Variants in DNAH9 observed in about 807,000 individuals in gnomAD.
The protein encoded by DNAH9 is dynein axonemal heavy chain 9, also known as DNAH9 variant protein.
In DNAH9, 345 loss-of-function variants were observed where a neutral mutation model predicts 471.6. The observed-to-expected ratio is 0.73, with a 90% CI of 0.67 to 0.80. DNAH9 has a LOEUF of 0.80. Ranked by LOEUF, DNAH9 falls within the 30% of genes least tolerant of loss-of-function variation. DNAH9 has a pLI of 0.00. For missense variants in DNAH9, 5,407 were observed against 5,609.2 expected, an observed-to-expected ratio of 0.96 and a Z score of 1.15; for synonymous variants, 2,093 against 2,123.6, an observed-to-expected ratio of 0.99 and a Z score of 0.40.
intron 49 of DNAH9, among the ~76,000 whole-genome samples, chr17:11,837,274 A>G (rs1176243448): frequency 2.0e-5 from 3 of 152,258 alleles, no homozygotes; most frequent in African/African-American, 7.2e-5. Context: ...AGACAACAGA[A>G]GTAAAATTCA....
chr17:11,852,416 G>A (rs1971455341), intron 49 of DNAH9, among the ~76,000 whole-genome samples: 1 of 152,102 alleles, frequency 6.6e-6, no homozygotes, highest in Admixed American at 6.5e-5. Flanking sequence ...TTAGCTGTCT[G>A]ACCCATGACC....
chr17:11,790,056 A>T (rs1443930446), intron 41 of DNAH9, among the ~76,000 whole-genome samples: 1 of 151,942 alleles, frequency 6.6e-6, no homozygotes, highest in African/African-American at 2.4e-5. Flanking sequence ...GACACTCTAT[A>T]TGGATTTATT....
chr17:11,769,266 C>T lies in DNAH9; in HGVS notation c.7489C>T (p.Pro2497Ser). The T allele has an allele frequency of 5.0e-6, 8 of 1,614,118 alleles. No homozygotes were observed. The highest frequency in any genetic ancestry group is 6.8e-6 in the Non-Finnish European group (8 of 1,180,022). Reference protein sequence around the residue: ...LVGAKLASLDPEAYLVKNVPF... With the variant: ...LVGAKLASLDSEAYLVKNVPF... ...GGGAGCTAAGCTGGCCAGCCTTGAC[C>T]CCGAGGCATACCTGGTGAAAAACGT... Residue 2497 changes from proline (P) to serine (S), a missense_variant, in exon 38 of 69, where the codon CCC (proline) becomes TCC (serine). Around this residue, in one of 3 missense-constraint regions of DNAH9, gnomAD observed 4,636 missense variants for 4,900.3 expected, o/e 0.95. Coordinates refer to ENST00000262442, the MANE Select transcript of DNAH9 (RefSeq NM_001372.4).
chr17:11,835,585 C>A (rs185532015), intron 49 of DNAH9, among the ~76,000 whole-genome samples: 1 of 152,012 alleles, frequency 6.6e-6, no homozygotes, highest in African/African-American at 2.4e-5. Context: ...GGTTGAGAGG[C>A]AAAGGTGGAA....
rs1252724778 is a variant in DNAH9 at position 11,669,734 on chromosome 17, A to G, written c.3293A>G (p.Asn1098Ser). The G allele has an allele frequency of 1.9e-6, 3 of 1,614,032 alleles. No individual in the cohort carries two copies. Among genetic ancestry groups the G allele is most frequent in the Non-Finnish European group, 2.5e-6 (3 of 1,180,014 alleles). ...CGACCCTTTAAGGCATCTCTGCTGA[A>G]TATTATTAAGAGGTGGAGCCTCCTG... ...DIRPFKASLL[N>S]IIKRWSLLFK... The change falls in exon 17 of 69, where the codon AAT (asparagine) becomes AGT (serine). Residue 1098 changes from asparagine to serine, a missense_variant. Around this residue, in one of 3 missense-constraint regions of DNAH9, gnomAD observed 4,636 missense variants for 4,900.3 expected, o/e 0.95. Coordinates refer to ENST00000262442, the MANE Select transcript of DNAH9 (RefSeq NM_001372.4).
chr17:11,957,686 G>A (rs1008951914), intron 67 of DNAH9, among the ~76,000 whole-genome samples: 1 of 151,988 alleles, frequency 6.6e-6, no homozygotes, highest in Non-Finnish European at 1.5e-5. Context: ...ACAGCCTAGC[G>A]AGACAGAAAA....
chr17:11,602,738 T>A (rs1475396611), intron 1 of DNAH9, among the ~76,000 whole-genome samples: 2 of 152,170 alleles, frequency 1.3e-5, no homozygotes, highest in Admixed American at 6.5e-5. Context: ...CCTCCAGTGA[T>A]CTTGTCCTCC....
At chr17:11,907,203 G>A (rs1205139637) in intron 61 of DNAH9, among the ~76,000 whole-genome samples, 1 of 152,096 alleles carries the variant, frequency 6.6e-6, no homozygotes, top group Non-Finnish European at 1.5e-5. Context: ...GGGCACGGTG[G>A]CTCACGCCTG....
intron 49 of DNAH9, among the ~76,000 whole-genome samples, chr17:11,845,116 T>C (rs899567763): frequency 8.6e-5 from 13 of 151,658 alleles, no homozygotes; most frequent in Non-Finnish European, 4.4e-5. Context: ...TAACTCGTCA[T>C]CTAGCATTAG....
Position 11,942,913 on chromosome 17 carries a change from T to G in DNAH9, c.12843+428T>G, listed in dbSNP as rs1974982016. 2.7e-5 allele frequency among the ~76,000 whole-genome samples: 4 copies of G among 149,982 alleles called. No homozygotes were observed. The South Asian group carries it at 8.5e-4, about 32-fold the overall frequency. On this transcript the variant is annotated intron_variant, in intron 67 of 68. Coordinates refer to ENST00000262442, the MANE Select transcript of DNAH9 (RefSeq NM_001372.4). ...TGTTTTTTCTTTTTTTTTTTTTTTT[T>G]GAGACAGAGTCTTGCTCTGTCGCCC...
intron 1 of DNAH9, among the ~76,000 whole-genome samples, chr17:11,602,805 C>A (rs1023450489): frequency 1.3e-5 from 2 of 152,154 alleles, no homozygotes; most frequent in African/African-American, 4.8e-5. Flanking sequence ...TTCCCAACAA[C>A]CACCAACCTC....
intron 38 of DNAH9, among the ~76,000 whole-genome samples, chr17:11,774,495 A>G (rs918083580): frequency 6.6e-6 from 1 of 152,148 alleles, no homozygotes; most frequent in Non-Finnish European, 1.5e-5. Context: ...GCAAAAGCAC[A>G]TCCCACATGG....
In DNAH9 at chr17:11,677,691, C is replaced by T. The variant is rs557038057; in HGVS notation, c.3354-2066C>T. ...TATTATGTTCTTTTAGTTTGCTATT[C>T]TTTTTCTTTTTCATTGACTTCCTTT... is the stretch of plus-strand genomic sequence containing the variant. On this transcript the variant is annotated intron_variant, in intron 17 of 68. Transcript: ENST00000262442. Among the ~76,000 whole-genome samples, 12 of 152,036 alleles carry T rather than the reference C, an allele frequency of 7.9e-5. No homozygotes were observed. The East Asian group carries it at 1.7e-3, about 22-fold the overall frequency.
In DNAH9 at chr17:11,651,107, C is replaced by T. The variant is rs751470468; in HGVS notation, c.2136C>T (p.Pro712=). ...TGAAAGAAATGAGCTATCTTGAACC[C>T]AGAGAGATGAAACACATGCCTGAGA... The part of the protein sequence containing the change: ...SVLKEMSYLE[P]REMKHMPETA... Residue 712 remains proline (P), a synonymous_variant, in exon 13 of 69, where the codon CCC becomes CCT. Coordinates refer to ENST00000262442, the MANE Select transcript of DNAH9 (RefSeq NM_001372.4). 6.2e-7 allele frequency: 1 copy of T among 1,614,052 alleles called. No individual in the cohort carries two copies. The highest frequency in any genetic ancestry group is 1.7e-5 in the Admixed American group (1 of 59,996).
At chr17:11,646,408 C>A (rs936741088) in intron 11 of DNAH9, among the ~76,000 whole-genome samples, 1 of 152,164 alleles carries the variant, frequency 6.6e-6, no homozygotes, top group Non-Finnish European at 1.5e-5. Context: ...TCATTTGTAT[C>A]CCCGAAGTCC....
At position 11,694,749 on chromosome 17, in the gene DNAH9, TTTCC is replaced by T. The variant is rs1198534101; in HGVS notation, c.4872+330_4872+333del. Among the ~76,000 whole-genome samples the T allele has an allele frequency of 5.5e-3, 20 of 3,654 alleles. 8 individuals are homozygous for T. The highest frequency in any genetic ancestry group is 8.6e-3 in the African/African-American group (19 of 2,208). The allele number at this position is 3,654 out of a possible 152,430, so 2.4% of individuals were successfully genotyped here. ...CTCTTTCTCTTTCTTTCTTTCTTTC[TTTCC>T]TTCCTTCCTTCCTTCCTTCCTTCCT... is the stretch of plus-strand genomic sequence containing the variant. On this transcript the variant is annotated intron_variant, in intron 22 of 68. Transcript: ENST00000262442.
intron 22 of DNAH9, among the ~76,000 whole-genome samples, chr17:11,698,690 A>G (rs1597497756): frequency 6.6e-6 from 1 of 152,040 alleles, no homozygotes; most frequent in East Asian, 1.9e-4. Context: ...CTTTGTAATT[A>G]TTCAAGAAGC....
rs749278519 is a variant in DNAH9, at chr17:11,644,608, C to T, written c.1902-23C>T. The stretch of plus-strand genomic sequence containing the variant: ...TTTAACTTCTTCTAATTCTGTGTCA[C>T]TTTTTCTCTTTTGTACGAGTAGTTG... On this transcript the variant is annotated intron_variant, in intron 10 of 68. Coordinates refer to ENST00000262442, the MANE Select transcript of DNAH9 (RefSeq NM_001372.4). 8.3e-6 allele frequency: 13 copies of T among 1,574,428 alleles called. No individual in the cohort carries two copies. The Admixed American group carries it at 8.4e-5, about 10-fold the overall frequency.
Position 11,689,768 on chromosome 17 carries a change from A to T in DNAH9, c.3946A>T (p.Ile1316Phe). Residue 1316 changes from isoleucine to phenylalanine, a missense_variant, in exon 20 of 69, where the codon ATC (isoleucine) becomes TTC (phenylalanine). Ile to Phe is a conservative substitution (Grantham distance 21, BLOSUM62 0). Transcript: ENST00000262442. ...CACCATTGGAATGGTGACCTCCAGC[A>T]TCCATGCCTGGGAGACCACACCCTG... ...WDTIGMVTSS[I>F]HAWETTPWRN... 1 of 1,614,176 alleles carries T rather than the reference A, an allele frequency of 6.2e-7. No individual in the cohort carries two copies. The highest frequency in any genetic ancestry group is 8.5e-7 in the Non-Finnish European group (1 of 1,180,010).
Sources: allele counts gnomAD v4.1 joint callset (sites outside exome capture counted in the v4.1 genomes callset), GRCh38; gene constraint gnomAD v4.1.1; regional missense constraint gnomAD v4.1.1; transcripts MANE v1.5; gene names NCBI Gene and HGNC (gene_info 2026-07-23, HGNC 2026-07-21).